SBF2: variants seen among roughly 807,000 people sequenced by gnomAD.
SBF2 encodes SET binding factor 2.
Under a neutral mutation model 225.2 loss-of-function variants are expected in SBF2, and 112 were observed. That is an observed-to-expected ratio of 0.50 (90% confidence interval 0.43 to 0.58). SBF2 has a LOEUF of 0.58. Among genes scored for constraint, SBF2 ranks in the 20% least tolerant of loss-of-function variants. The pLI is 0.00. For synonymous variants in SBF2, 763 were observed against 773.3 expected (o/e 0.99, Z 0.22); for missense variants, 1,996 against 2,206.2 (o/e 0.90, Z 1.91).
chr11:9,936,477 C>T (rs1226096234), intron 16 of SBF2, among the ~76,000 whole-genome samples: 1 of 152,198 alleles, frequency 6.6e-6, no homozygotes, highest in East Asian at 1.9e-4. Flanking sequence ...GATTATAAAT[C>T]ATGCTACTAT....
chr11:9,903,209 C>T (rs1278262471), intron 16 of SBF2, among the ~76,000 whole-genome samples: 5 of 151,992 alleles, frequency 3.3e-5, no homozygotes, highest in Non-Finnish European at 7.4e-5. Flanking sequence ...GTAGTCCCAG[C>T]TACTAGGGAG....
intron 2 of SBF2, among the ~76,000 whole-genome samples, chr11:10,065,728 G>C (rs1471959340): frequency 6.6e-6 from 1 of 152,168 alleles, no homozygotes; most frequent in Non-Finnish European, 1.5e-5. Context: ...AAGGCAGGTG[G>C]ATCACTTGAG....
At chr11:10,033,376 T>C (rs1949329118) in intron 3 of SBF2, among the ~76,000 whole-genome samples, 1 of 152,108 alleles carries the variant, frequency 6.6e-6, no homozygotes, top group East Asian at 1.9e-4. Flanking sequence ...ATAGAATGCA[T>C]TGGTCATTTC....
intron 16 of SBF2, among the ~76,000 whole-genome samples, chr11:9,904,415 T>G (rs1408632942): frequency 6.6e-6 from 1 of 152,102 alleles, no homozygotes; most frequent in African/African-American, 2.4e-5. Context: ...ACAATTTAAA[T>G]GTATATAAAC....
chr11:9,883,409 G>C (rs894356528), intron 17 of SBF2, among the ~76,000 whole-genome samples: 2 of 152,038 alleles, frequency 1.3e-5, no homozygotes, highest in Non-Finnish European at 2.9e-5. Flanking sequence ...GCCTCCTCCA[G>C]CTCTGTCCCC....
chr11:9,868,507 C>T (rs1197292183), intron 17 of SBF2, among the ~76,000 whole-genome samples: 1 of 151,314 alleles, frequency 6.6e-6, no homozygotes, highest in Non-Finnish European at 1.5e-5. Flanking sequence ...AACAGAGTGA[C>T]AGACAAAAAA....
chr11:10,095,883 G>C (rs1024483376), intron 2 of SBF2, among the ~76,000 whole-genome samples: 1 of 152,066 alleles, frequency 6.6e-6, no homozygotes, highest in Non-Finnish European at 1.5e-5. Flanking sequence ...GAGTCTCAGA[G>C]CGGGGGAAAA....
intron 21 of SBF2, among the ~76,000 whole-genome samples, 186 bp from the exon 22 acceptor site, chr11:9,850,404 C>T (rs1657076220): frequency 6.6e-6 from 1 of 152,082 alleles, no homozygotes; most frequent in Non-Finnish European, 1.5e-5. Flanking sequence ...TACAGGCATG[C>T]ACCACTATGC....
intron 24 of SBF2, 104 bp downstream of exon 24, chr11:9,845,461 G>A: frequency 1.9e-6 from 2 of 1,037,166 alleles, no homozygotes; most frequent in Non-Finnish European, 3.0e-6. Context: ...ACAGAACAGT[G>A]AATGAAAACA....
chr11:10,291,418 G>A (rs920553869), intron 1 of SBF2, among the ~76,000 whole-genome samples: 1 of 152,136 alleles, frequency 6.6e-6, no homozygotes, highest in African/African-American at 2.4e-5. Flanking sequence ...TCCAGACTGT[G>A]AAAAATAAAT....
At chr11:9,793,937 A>G (rs139204353) in intron 33 of SBF2, among the ~76,000 whole-genome samples, 42 of 152,352 alleles carry the variant, frequency 2.8e-4, no homozygotes, top group African/African-American at 1.0e-3. Context: ...TAATTTGCTG[A>G]TCAGCTTAAT....
At chr11:9,930,362 CA>C (rs1174805923) in intron 16 of SBF2, among the ~76,000 whole-genome samples, 1 of 151,662 alleles carries the variant, frequency 6.6e-6, no homozygotes, top group Non-Finnish European at 1.5e-5. Context: ...GAAGCCAGAC[CA>C]AAAAAATTAC....
intron 8 of SBF2, among the ~76,000 whole-genome samples, chr11:9,998,640 A>T (rs1236281112): frequency 6.6e-6 from 1 of 152,216 alleles, no homozygotes; most frequent in Admixed American, 6.5e-5. Flanking sequence ...CCTTCAAGAC[A>T]GGGGATATGT....
At chr11:10,201,162 T>C (rs1957556992) in intron 1 of SBF2, among the ~76,000 whole-genome samples, 1 of 152,188 alleles carries the variant, frequency 6.6e-6, no homozygotes, top group Non-Finnish European at 1.5e-5. Flanking sequence ...CATGTATTGA[T>C]TTACTCATTT....
intron 32 of SBF2, among the ~76,000 whole-genome samples, chr11:9,806,264 CAT>C (rs751845650): frequency 4.6e-4 from 70 of 152,318 alleles, no homozygotes; most frequent in South Asian, 2.1e-3. Context: ...ACTAAAATAA[CAT>C]GTGTAGTGCT....
intron 2 of SBF2, chr11:10,149,147 CT>C (rs1158453335): frequency 1.3e-5 from 2 of 152,352 alleles, no homozygotes; most frequent in African/African-American, 4.8e-5. Context: ...CTCAAATCTG[CT>C]TTATTTTTTT....
chr11:9,784,340 A>G lies in SBF2; in HGVS notation c.5319+11T>C. On this transcript the variant is annotated intron_variant, in intron 38 of 39. Transcript: ENST00000256190. Reference sequence around the variant, plus strand: ...GACAGAAGTAATTTCTTTTGGCTTTAAGAGTATTACCTGATGTTTTGTTAC... The same window carrying G: ...GACAGAAGTAATTTCTTTTGGCTTTGAGAGTATTACCTGATGTTTTGTTAC... 1 of 1,601,570 alleles carries G rather than the reference A, an allele frequency of 6.2e-7. No homozygotes were observed. The highest frequency in any genetic ancestry group is 8.6e-7 in the Non-Finnish European group (1 of 1,168,580).
chr11:10,129,791 G>T (rs7105592), intron 2 of SBF2, among the ~76,000 whole-genome samples: 1 of 151,986 alleles, frequency 6.6e-6, no homozygotes, highest in Non-Finnish European at 1.5e-5. Context: ...GTTGCTTGAG[G>T]CCACGAGTTC....
chr11:10,231,752 G>T (rs547416864), intron 1 of SBF2, among the ~76,000 whole-genome samples: 124 of 152,324 alleles, frequency 8.1e-4, no homozygotes, highest in African/African-American at 2.9e-3. Context: ...CTACTCAGGG[G>T]TCAGGGACCC....
Sources: gnomAD v4.1 joint callset for allele counts (sites outside exome capture counted in the v4.1 genomes callset) on GRCh38, gnomAD v4.1.1 for gene constraint, MANE v1.5 for transcripts, NCBI Gene and HGNC (gene_info 2026-07-23, HGNC 2026-07-21) for gene names.